Variants in RAP1GAP2 observed in about 807,000 individuals in gnomAD.
RAP1GAP2 encodes RAP1 GTPase activating protein 2, also known as rap1 GTPase-activating protein 2.
In RAP1GAP2, 27 loss-of-function variants were observed where a neutral mutation model predicts 95.0. That is an observed-to-expected ratio of 0.28 (90% CI 0.21 to 0.39). The LOEUF (loss-of-function observed/expected upper bound fraction) is 0.39. Among genes scored for constraint, RAP1GAP2 ranks in the 10% least tolerant of loss-of-function variants. The pLI, the probability that RAP1GAP2 is intolerant of heterozygous loss-of-function variation, is 1.00. For synonymous variants in RAP1GAP2, 373 were observed against 380.9 expected (o/e 0.98, Z 0.24); for missense variants, 771 against 970.0 (o/e 0.79, Z 2.72).
chr17:3,030,683 T>C (rs1231097033), intron 22 of RAP1GAP2, among the ~76,000 whole-genome samples: 2 of 152,236 alleles, frequency 1.3e-5, no homozygotes, highest in Non-Finnish European at 2.9e-5. Context: ...ATATAATTTA[T>C]TGAACTGTAA....
intron 18 of RAP1GAP2, among the ~76,000 whole-genome samples, chr17:3,020,197 A>G (rs1211789492): frequency 2.6e-5 from 4 of 152,148 alleles, no homozygotes; most frequent in African/African-American, 7.2e-5. Flanking sequence ...GACCTTCTCA[A>G]TTTGGTGGGC....
At chr17:3,026,257 G>T in intron 20 of RAP1GAP2, 93 bp from the exon 21 acceptor site, 1 of 1,317,332 alleles carries the variant, frequency 7.6e-7, no homozygotes, top group East Asian at 2.5e-5. Flanking sequence ...ACGGGTGGGG[G>T]CGTGGGGAGC....
rs536273193 is a variant in RAP1GAP2 at position 2,904,080 on chromosome 17, G to A, written c.81-1204G>A. 1.2e-3 allele frequency among the ~76,000 whole-genome samples: 178 copies of A among 152,288 alleles called. No homozygotes were observed. The highest frequency in any genetic ancestry group is 3.4e-3 in the Middle Eastern group (1 of 294). ...TGACTCTCTCTGCTGCTTCAGAGCG[G>A]GGCTGTAGAGGAGGACACACTTGTA... is the stretch of plus-strand genomic sequence containing the variant. On this transcript the variant is annotated intron_variant, in intron 2 of 24. Transcript: ENST00000254695. The surrounding 1 kb of genome is among the most constrained non-coding windows in gnomAD (Gnocchi z 4.7).
chr17:2,934,565 T>G (rs935011703), intron 3 of RAP1GAP2, among the ~76,000 whole-genome samples: 1 of 152,228 alleles, frequency 6.6e-6, no homozygotes, highest in Non-Finnish European at 1.5e-5. Flanking sequence ...AGATTTCAAA[T>G]CCACTGTTCT....
intron 12 of RAP1GAP2, among the ~76,000 whole-genome samples, chr17:2,993,654 C>T (rs931738984): frequency 1.3e-5 from 2 of 151,996 alleles, no homozygotes; most frequent in Admixed American, 6.6e-5. Context: ...TCAGGGCTAG[C>T]TAGTCACGAT....
intron 16 of RAP1GAP2, 28 bp downstream of exon 16, chr17:3,006,069 C>T: frequency 1.3e-6 from 2 of 1,592,646 alleles, no homozygotes; most frequent in Non-Finnish European, 1.7e-6. Flanking sequence ...GAAGGTCTCC[C>T]TCCTGACTGC....
chr17:2,823,771 G>C (rs140658427), intron 2 of RAP1GAP2, among the ~76,000 whole-genome samples: 142 of 152,306 alleles, frequency 9.3e-4, no homozygotes, highest in Middle Eastern at 3.4e-3. Context: ...AAAGGGTGCA[G>C]AGCAATTGTG....
chr17:2,944,098 G>A (rs765910653), intron 3 of RAP1GAP2, among the ~76,000 whole-genome samples: 22 of 146,930 alleles, frequency 1.5e-4, no homozygotes, highest in South Asian at 4.5e-4. Flanking sequence ...GCTATGAGCC[G>A]AGATTGCGCC....
At chr17:2,945,861 C>T (rs2043680686) in intron 3 of RAP1GAP2, among the ~76,000 whole-genome samples, 1 of 151,938 alleles carries the variant, frequency 6.6e-6, no homozygotes, top group Non-Finnish European at 1.5e-5. Context: ...ACAATCTGGG[C>T]TCACTGCAAC....
intron 2 of RAP1GAP2, among the ~76,000 whole-genome samples, chr17:2,889,882 TATATATA>T (rs374710317): frequency 1.9e-4 from 16 of 83,722 alleles, no homozygotes; most frequent in South Asian, 1.8e-3. Flanking sequence ...TATATATATA[TATATATA>T]TTTTTTTTTT....
intron 2 of RAP1GAP2, among the ~76,000 whole-genome samples, chr17:2,881,007 AC>A (rs1244715090): frequency 2.0e-5 from 3 of 149,604 alleles, no homozygotes; most frequent in African/African-American, 7.4e-5. Context: ...CATGTCTGTA[AC>A]CCAGCACTTT....
intron 2 of RAP1GAP2, among the ~76,000 whole-genome samples, chr17:2,808,155 A>G (rs2069601200): frequency 6.6e-6 from 1 of 151,776 alleles, no homozygotes; most frequent in South Asian, 2.1e-4. Flanking sequence ...CAAGAGCCTA[A>G]TCTTTCTTGG....
intron 1 of RAP1GAP2, among the ~76,000 whole-genome samples, chr17:2,784,868 C>G (rs1188692007): frequency 2.6e-5 from 4 of 152,206 alleles, no homozygotes; most frequent in African/African-American, 9.6e-5. Context: ...CAGAATTGCT[C>G]TGGGCTTGGG....
chr17:3,015,568 C>T (rs906797492), intron 17 of RAP1GAP2, among the ~76,000 whole-genome samples: 1 of 152,116 alleles, frequency 6.6e-6, no homozygotes, highest in African/African-American at 2.4e-5. Flanking sequence ...CTTGTAATCC[C>T]AGCACTTTGG....
chr17:2,844,154 G>GGA (rs2071484169), intron 2 of RAP1GAP2, among the ~76,000 whole-genome samples: 1 of 151,672 alleles, frequency 6.6e-6, no homozygotes, highest in Non-Finnish European at 1.5e-5. Flanking sequence ...CGGAGTAGCT[G>GGA]GGACTACAGG....
intron 1 of RAP1GAP2, among the ~76,000 whole-genome samples, chr17:2,787,173 A>G (rs1253579738): frequency 1.4e-5 from 2 of 148,012 alleles, no homozygotes; most frequent in Non-Finnish European, 3.0e-5. Flanking sequence ...CTGGTCTCGA[A>G]CTCCTGACCT....
intron 17 of RAP1GAP2, among the ~76,000 whole-genome samples, chr17:3,009,549 G>A (rs1275805419): frequency 6.6e-6 from 1 of 152,206 alleles, no homozygotes; most frequent in East Asian, 1.9e-4. Flanking sequence ...TCCTGACTTT[G>A]TTAAGATTCC....
Position 2,963,082 on chromosome 17 carries a change from C to T in RAP1GAP2, c.247-348C>T. ...TTCCCAACCCAGGGGTGCCGCTTAT[C>T]ACTTGGAGGTCAGTCCGCCTGCCTG... is the stretch of plus-strand genomic sequence containing the variant. On this transcript the variant is annotated intron_variant, in intron 5 of 24. Coordinates refer to ENST00000254695, the MANE Select transcript of RAP1GAP2 (RefSeq NM_015085.5). The surrounding 1 kb of genome is among the most constrained non-coding windows in gnomAD (Gnocchi z 4.8). 1 of 526,454 alleles carries T rather than the reference C, an allele frequency of 1.9e-6. No homozygotes were observed. The highest frequency in any genetic ancestry group is 3.4e-6 in the Non-Finnish European group (1 of 296,964). 32.6% of individuals were successfully genotyped at this position (526,454 alleles called of 1,614,324 possible). A position where few individuals can be genotyped will look rare whatever the true frequency, so the allele number is the denominator to read the frequency against.
At chr17:2,779,783 G>C (rs1333287220) in intron 1 of RAP1GAP2, among the ~76,000 whole-genome samples, 2 of 120,712 alleles carry the variant, frequency 1.7e-5, no homozygotes, top group African/African-American at 3.1e-5. Flanking sequence ...AGTGGGGGAG[G>C]ACAAGGCAGG....
Sources: gnomAD v4.1 joint callset for allele counts (sites outside exome capture counted in the v4.1 genomes callset) on GRCh38, gnomAD v4.1.1 for gene constraint, Gnocchi (gnomAD v3.1) non-coding constraint, MANE v1.5 for transcripts, NCBI Gene and HGNC (gene_info 2026-07-23, HGNC 2026-07-21) for gene names.